TRAK2: variants seen among roughly 807,000 people sequenced by gnomAD.
TRAK2 encodes trafficking kinesin protein 2.
A neutral mutation model predicts 104.6 loss-of-function variants in TRAK2; 81 were observed. The ratio of observed to expected loss-of-function variants is 0.77; its 90% CI spans 0.65 to 0.93. The LOEUF (loss-of-function observed/expected upper bound fraction) is 0.93. TRAK2 is among the 40% of genes least tolerant of loss of function. TRAK2 has a pLI of 0.00. For missense variants in TRAK2, 1,002 were observed against 1,089.0 expected, an observed-to-expected ratio of 0.92 and a Z score of 1.12; for synonymous variants, 406 against 394.4, an observed-to-expected ratio of 1.03 and a Z score of -0.35.
intron 2 of TRAK2, chr2:201,410,657 C>T: frequency 7.7e-7 from 1 of 1,303,332 alleles, no homozygotes; most frequent in East Asian, 2.3e-5. Context: ...ATACCAAAGG[C>T]AGATTGTCCT....
chr2:201,398,368 A>G lies in TRAK2; in HGVS notation c.481-14T>C. 1.9e-5 allele frequency: 30 copies of G among 1,602,296 alleles called. No homozygotes were observed. The highest frequency in any genetic ancestry group is 2.6e-5 in the Non-Finnish European group (30 of 1,170,774). The stretch of plus-strand genomic sequence containing the variant: ...CAGCTGATTAACCTGTCCATATAAA[A>G]TGCTTGATTTTCATGTTCTTTATTT... On this transcript the variant is annotated splice_polypyrimidine_tract_variant and intron_variant, in intron 5 of 15. Transcript: ENST00000332624.
chr2:201,416,612 C>T (rs1036893751), intron 2 of TRAK2, among the ~76,000 whole-genome samples: 2 of 151,736 alleles, frequency 1.3e-5, no homozygotes, highest in Non-Finnish European at 2.9e-5. Flanking sequence ...TCATAATTAG[C>T]AATTTAAAGC....
At chr2:201,405,005 C>T (rs942062379) in intron 3 of TRAK2, among the ~76,000 whole-genome samples, 8 of 152,270 alleles carry the variant, frequency 5.3e-5, no homozygotes, top group East Asian at 1.9e-4. Flanking sequence ...GAGAATCAGG[C>T]CCTACAGACC....
chr2:201,442,608 G>A (rs78973774), intron 1 of TRAK2, among the ~76,000 whole-genome samples: 3,926 of 152,126 alleles, frequency 0.026, 173 homozygotes, highest in African/African-American at 0.09. Flanking sequence ...CCACAGGCAC[G>A]CCCCCCATTA....
In TRAK2 at chr2:201,392,986, C is replaced by T. The variant is rs971755816; in HGVS notation, c.1036G>A (p.Glu346Lys). 6.2e-7 allele frequency: 1 copy of T among 1,613,646 alleles called. No homozygotes were observed. Among genetic ancestry groups the T allele is most frequent in the African/African-American group, 1.3e-5 (1 of 74,882 alleles). Residue 346 changes from glutamate (E) to lysine (K), a missense_variant, in exon 10 of 16, where the codon GAA becomes AAA. By Grantham distance (56) the Glu-to-Lys change is moderately conservative. Transcript: ENST00000332624. The part of the protein sequence containing the change: ...CLGMLHESQE[E>K]IKELRSRSGP... Reference sequence around the variant, plus strand: ...GATCTACTACGAAGTTCCTTTATTTCTTCTTGGGATTCATGTAACATTCCT... The same window carrying T: ...GATCTACTACGAAGTTCCTTTATTTTTTCTTGGGATTCATGTAACATTCCT...
chr2:201,394,126 G>A (rs1421331481), intron 9 of TRAK2, among the ~76,000 whole-genome samples: 1 of 152,078 alleles, frequency 6.6e-6, no homozygotes, highest in African/African-American at 2.4e-5. Context: ...TAGAAAGTAA[G>A]AGATTTTTTG....
intron 13 of TRAK2, among the ~76,000 whole-genome samples, chr2:201,387,448 C>T (rs1392656496): frequency 6.6e-6 from 1 of 152,200 alleles, no homozygotes; most frequent in Non-Finnish European, 1.5e-5. Flanking sequence ...AAAAAGATTA[C>T]TCCTCTTCCC....
intron 2 of TRAK2, chr2:201,410,500 C>T: frequency 1.2e-6 from 1 of 839,922 alleles, no homozygotes. Flanking sequence ...TGTAAATCAG[C>T]TCACCCATGA....
At chr2:201,433,093 A>C (rs539830189) in intron 1 of TRAK2, among the ~76,000 whole-genome samples, 2 of 152,350 alleles carry the variant, frequency 1.3e-5, no homozygotes, top group South Asian at 4.1e-4. Context: ...GCTACACTAC[A>C]GATAAAGTTT....
intron 9 of TRAK2, 29 bp from the exon 10 acceptor site, chr2:201,393,075 T>C (rs753828830): frequency 1.9e-6 from 3 of 1,577,320 alleles, no homozygotes; most frequent in Admixed American, 1.9e-5. Flanking sequence ...GTGTACTTTA[T>C]TGCCTTCCCA....
chr2:201,416,323 T>C (rs1264059180), intron 2 of TRAK2, among the ~76,000 whole-genome samples: 1 of 151,802 alleles, frequency 6.6e-6, no homozygotes, highest in Middle Eastern at 3.4e-3. Flanking sequence ...GGAGGATCAC[T>C]TGAGCCCAAG....
chr2:201,383,442 G>C (rs1951360545), intron 15 of TRAK2, among the ~76,000 whole-genome samples: 1 of 152,160 alleles, frequency 6.6e-6, no homozygotes. Flanking sequence ...CTGTTGAACT[G>C]AGTTCAATCA....
At chr2:201,391,154 G>C (rs557718958) in intron 10 of TRAK2, among the ~76,000 whole-genome samples, 1 of 152,200 alleles carries the variant, frequency 6.6e-6, no homozygotes, top group East Asian at 1.9e-4. Context: ...GAGCTCTTTG[G>C]AGAAATGGCT....
chr2:201,451,451 C>T lies in TRAK2; in HGVS notation c.-301G>A, dbSNP rs1369709484. ...GCAGCCGAAGCTGCTGCCGCTGCTC[C>T]CACTGCCAGCAACCGCCCGGGCGTG... On this transcript the variant is annotated 5_prime_UTR_variant, in exon 1 of 16. Coordinates refer to ENST00000332624, the MANE Select transcript of TRAK2 (RefSeq NM_015049.3). 2 of 152,228 alleles carry T rather than the reference C, an allele frequency of 1.3e-5. No individual in the cohort carries two copies. The highest frequency in any genetic ancestry group is 2.9e-5 in the Non-Finnish European group (2 of 68,036). The allele number at this position is 152,228 out of a possible 1,614,324, so 9.4% of individuals were successfully genotyped here. A position where few individuals can be genotyped will look rare whatever the true frequency, so the allele number is the denominator to read the frequency against.
intron 1 of TRAK2, among the ~76,000 whole-genome samples, chr2:201,426,284 T>C (rs1951788165): frequency 6.6e-6 from 1 of 152,172 alleles, no homozygotes; most frequent in South Asian, 2.1e-4. Flanking sequence ...GTGCGAGGGA[T>C]CTAGGTTGCC....
intron 1 of TRAK2, among the ~76,000 whole-genome samples, chr2:201,424,062 A>C (rs537306332): frequency 6.6e-6 from 1 of 152,174 alleles, no homozygotes; most frequent in African/African-American, 2.4e-5. Context: ...TTTTCCACAT[A>C]TCGTATTGTC....
intron 1 of TRAK2, among the ~76,000 whole-genome samples, chr2:201,429,674 T>C (rs1951824132): frequency 6.6e-6 from 1 of 152,260 alleles, no homozygotes; most frequent in South Asian, 2.1e-4. Flanking sequence ...AGCTTGCGCA[T>C]GCGTCACATA....
At chr2:201,440,097 C>T (rs1951908910) in intron 1 of TRAK2, among the ~76,000 whole-genome samples, 1 of 151,390 alleles carries the variant, frequency 6.6e-6, no homozygotes, top group Non-Finnish European at 1.5e-5. Flanking sequence ...AAAAAAAGTG[C>T]CTCTTAAAGA....
chr2:201,390,428 C>G (rs1449839166), intron 10 of TRAK2, among the ~76,000 whole-genome samples: 2 of 149,812 alleles, frequency 1.3e-5, no homozygotes, highest in Non-Finnish European at 3.0e-5. Context: ...GCCGGGTGTG[C>G]TGGCGGGCGC....
Sources: gnomAD v4.1 joint callset for allele counts (sites outside exome capture counted in the v4.1 genomes callset) on GRCh38, gnomAD v4.1.1 for gene constraint, MANE v1.5 for transcripts, NCBI Gene and HGNC (gene_info 2026-07-23, HGNC 2026-07-21) for gene names.